WASHC4: variants seen among roughly 807,000 people sequenced by gnomAD.
WASHC4 encodes WASH complex subunit 7.
WASHC4 carries 86 observed loss-of-function variants against 166.6 expected under a neutral mutation model. The observed-to-expected ratio is 0.52, with a 90% CI of 0.43 to 0.62. The LOEUF is 0.62. Ranked by LOEUF, WASHC4 falls within the 20% of genes least tolerant of loss-of-function variation. The pLI is 0.00. For synonymous variants in WASHC4, 446 were observed against 451.6 expected, an observed-to-expected ratio of 0.99 and a Z score of 0.16; for missense variants, 1,262 against 1,382.4, an observed-to-expected ratio of 0.91 and a Z score of 1.38.
At position 105,140,911 on chromosome 12, in the gene WASHC4, T is replaced by C. The variant is rs1418761155; in HGVS notation, c.1573T>C (p.Ser525Pro). The C allele has an allele frequency of 6.2e-7, 1 of 1,614,050 alleles. No individual in the cohort carries two copies. Among genetic ancestry groups the C allele is most frequent in the South Asian group, 1.1e-5 (1 of 91,082 alleles). ...TTTTATTTTTAAGAAAAGAGTGATT[T>C]CTGACAAAAAATACAGCGAACAGCG... ...SISVAKKRVISDKKYSEQRLD... is the reference protein window; with the variant it reads ...SISVAKKRVIPDKKYSEQRLD... The change falls in exon 17 of 33, where the codon TCT becomes CCT. Residue 525 changes from serine to proline, a missense_variant. Physicochemically the swap from Ser to Pro is moderately conservative, Grantham distance 74 (BLOSUM62 -1). Transcript: ENST00000332180.
At chr12:105,131,916 G>A (rs1881857993) in intron 13 of WASHC4, among the ~76,000 whole-genome samples, 1 of 152,198 alleles carries the variant, frequency 6.6e-6, no homozygotes, top group African/African-American at 2.4e-5. Context: ...GATTTTGACA[G>A]GATCCTTCTT....
At chr12:105,144,639 AGTTGTT>A (rs148267591) in intron 21 of WASHC4, 73 bp from the exon 22 acceptor site, 5 of 1,304,984 alleles carry the variant, frequency 3.8e-6, no homozygotes, top group Non-Finnish European at 5.4e-6. Flanking sequence ...TTCAAGGACA[AGTTGTT>A]GTTTTTTCCT....
intron 14 of WASHC4, among the ~76,000 whole-genome samples, chr12:105,134,148 A>T (rs899608674): frequency 2.0e-5 from 3 of 152,054 alleles, no homozygotes; most frequent in African/African-American, 7.2e-5. Flanking sequence ...ACTGTCATTT[A>T]TTTCAAACTA....
chr12:105,143,798 A>C (rs1319152588), intron 20 of WASHC4, among the ~76,000 whole-genome samples: 1 of 151,988 alleles, frequency 6.6e-6, no homozygotes, highest in Non-Finnish European at 1.5e-5. Context: ...ATATAATCCT[A>C]CCTGGGTTTG....
At chr12:105,120,683 C>A in intron 8 of WASHC4, 86 bp downstream of exon 8, 2 of 915,538 alleles carry the variant, frequency 2.2e-6, no homozygotes, top group Non-Finnish European at 3.7e-6. Context: ...GTATGACAGT[C>A]ATAGGAACAC....
chr12:105,144,685 T>G, intron 21 of WASHC4, 33 bp from the exon 22 acceptor site: 3 of 1,585,978 alleles, frequency 1.9e-6, no homozygotes, highest in Non-Finnish European at 2.6e-6. Context: ...CCTTTTCTAC[T>G]GTTTCACAAG....
At chr12:105,132,428 T>C (rs146197532) in intron 13 of WASHC4, among the ~76,000 whole-genome samples, 1 of 152,342 alleles carries the variant, frequency 6.6e-6, no homozygotes, top group East Asian at 1.9e-4. Context: ...TGCCTCGGCC[T>C]CCCGAAGTGC....
chr12:105,132,595 G>A (rs990498389), intron 13 of WASHC4, among the ~76,000 whole-genome samples: 2 of 152,176 alleles, frequency 1.3e-5, no homozygotes, highest in East Asian at 1.9e-4. Flanking sequence ...TAATCATCCC[G>A]AATAGTAGAG....
In WASHC4 at chr12:105,111,214, G is replaced by A. The variant is rs1372788916; in HGVS notation, c.151G>A (p.Asp51Asn). 2 of 1,608,932 alleles carry A rather than the reference G, an allele frequency of 1.2e-6. No individual in the cohort carries two copies. The highest frequency in any genetic ancestry group is 1.7e-6 in the Non-Finnish European group (2 of 1,176,010). The change falls in exon 2 of 33, where the codon GAC becomes AAC. Residue 51 changes from aspartate (D) to asparagine (N), a missense_variant. Physicochemically the swap from Asp to Asn is conservative, Grantham distance 23. Coordinates refer to ENST00000332180, the MANE Select transcript of WASHC4 (RefSeq NM_015275.3). ...GAGAAGAATTGAGGACGCTCTGGATGACTCAATTGGAGATGTTTGGGATTT... is the reference window on the plus strand; with the variant it reads ...GAGAAGAATTGAGGACGCTCTGGATAACTCAATTGGAGATGTTTGGGATTT... ...QLRRIEDALD[D>N]SIGDVWDFNL... is the part of the protein sequence containing the mutation.
In WASHC4 at chr12:105,133,938, C is replaced by G. The variant is rs1171167344; in HGVS notation, c.1326+42C>G. 3.2e-6 allele frequency: 5 copies of G among 1,584,982 alleles called. No individual in the cohort carries two copies. The South Asian group carries it at 4.4e-5, about 14-fold the overall frequency. On this transcript the variant is annotated intron_variant, in intron 14 of 32. Transcript: ENST00000332180. ...TCGGGGAATCATTTTTTTGTTAATCCAACTTACAGAAGTTAAACTTTGAAA... is the reference window on the plus strand; with the variant it reads ...TCGGGGAATCATTTTTTTGTTAATCGAACTTACAGAAGTTAAACTTTGAAA...
intron 29 of WASHC4, 49 bp downstream of exon 29, chr12:105,160,197 G>A (rs1392616198): frequency 6.8e-7 from 1 of 1,467,440 alleles, no homozygotes; most frequent in Non-Finnish European, 9.5e-7. Context: ...AAAAGAGTAT[G>A]CACAAATAGA....
intron 28 of WASHC4, among the ~76,000 whole-genome samples, 178 bp downstream of exon 28, chr12:105,157,500 A>T (rs769338062): frequency 6.6e-6 from 1 of 152,196 alleles, no homozygotes; most frequent in Non-Finnish European, 1.5e-5. Context: ...CTTCTAGAAC[A>T]TGCTGTCCAG....
chr12:105,109,076 C>T (rs751937503), intron 1 of WASHC4, among the ~76,000 whole-genome samples: 25 of 152,150 alleles, frequency 1.6e-4, no homozygotes, highest in Non-Finnish European at 2.6e-4. Flanking sequence ...GCGGAGGTTG[C>T]AGTGAGCCGA....
chr12:105,114,256 A>G lies in WASHC4; in HGVS notation c.242A>G (p.Lys81Arg). 1 of 1,610,438 alleles carries G rather than the reference A, an allele frequency of 6.2e-7. No homozygotes were observed. Among genetic ancestry groups the G allele is most frequent in the Non-Finnish European group, 8.5e-7 (1 of 1,177,736 alleles). ...CAGTCCTCTCTTTTGGAACTCATAA[A>G]GACTGAAAACAAGGTACAGAATCCT... ...YEQSSLLELI[K>R]TENKVLNKVI... is the part of the protein sequence containing the mutation. The change falls in exon 3 of 33, where the codon AAG becomes AGG. Residue 81 changes from lysine to arginine, a missense_variant. Coordinates refer to ENST00000332180, the MANE Select transcript of WASHC4 (RefSeq NM_015275.3).
At chr12:105,146,374 T>C in intron 22 of WASHC4, 78 bp from the exon 23 acceptor site, 1 of 870,944 alleles carries the variant, frequency 1.1e-6, no homozygotes, top group Non-Finnish European at 1.9e-6. Flanking sequence ...GTATAATCAA[T>C]AAGTCATTAT....
At chr12:105,139,449 A>ATATATATT (rs1555236381) in intron 15 of WASHC4, among the ~76,000 whole-genome samples, 1 of 144,074 alleles carries the variant, frequency 6.9e-6, no homozygotes, top group Non-Finnish European at 1.5e-5. Context: ...ATATATATAT[A>ATATATATT]TATATATATG....
At chr12:105,144,491 T>A in intron 21 of WASHC4, 36 bp downstream of exon 21, 8 of 1,498,882 alleles carry the variant, frequency 5.3e-6, no homozygotes, top group South Asian at 1.2e-5. Context: ...AGTCATATTC[T>A]CTTTTTTTTT....
In WASHC4 at chr12:105,162,853, T is replaced by G; in HGVS notation, c.3157+8T>G. ...ATGATGGCTTTGCCATGGGTAAGCT[T>G]AATGGAATTGTTTTTCCATTAATTT... On this transcript the variant is annotated splice_region_variant and intron_variant, in intron 30 of 32. Coordinates refer to ENST00000332180, the MANE Select transcript of WASHC4 (RefSeq NM_015275.3). 1.4e-6 allele frequency: 2 copies of G among 1,467,630 alleles called. No homozygotes were observed. Among genetic ancestry groups the G allele is most frequent in the Non-Finnish European group, 1.9e-6 (2 of 1,054,798 alleles). The allele number at this position is 1,467,630 out of a possible 1,614,324, so 90.9% of individuals were successfully genotyped here. A position where few individuals can be genotyped will look rare whatever the true frequency, so the allele number is the denominator to read the frequency against.
At chr12:105,138,939 G>GT (rs1315162440) in intron 15 of WASHC4, among the ~76,000 whole-genome samples, 2 of 152,078 alleles carry the variant, frequency 1.3e-5, no homozygotes, top group Admixed American at 6.6e-5. Flanking sequence ...CAAATGCTGT[G>GT]TTTTTTCCTA....
Sources: gnomAD v4.1 joint callset for allele counts (sites outside exome capture counted in the v4.1 genomes callset) on GRCh38, gnomAD v4.1.1 for gene constraint, MANE v1.5 for transcripts, NCBI Gene and HGNC (gene_info 2026-07-23, HGNC 2026-07-21) for gene names.